Variants in WDR72 observed in about 807,000 individuals in gnomAD.
WDR72 encodes WD repeat domain 72.
WDR72 carries 120 observed loss-of-function variants against 124.2 expected under a neutral mutation model. The ratio of observed to expected loss-of-function variants is 0.97; its 90% CI spans 0.83 to 1.12. The LOEUF is 1.12. Among genes scored for constraint, WDR72 ranks in the 50% most tolerant of loss-of-function variants. WDR72 has a pLI of 0.00. For missense variants in WDR72, 1,387 were observed against 1,278.8 expected (o/e 1.08, Z -1.29); for synonymous variants, 452 against 441.7 (o/e 1.02, Z -0.29).
At chr15:53,720,294 G>C (rs556464155) in intron 3 of WDR72, among the ~76,000 whole-genome samples, 1 of 152,128 alleles carries the variant, frequency 6.6e-6, no homozygotes, top group Non-Finnish European at 1.5e-5. Context: ...ACACCAGAAT[G>C]TGTGGGATCT....
chr15:53,758,771 G>GT (rs2018981770), intron 1 of WDR72, among the ~76,000 whole-genome samples: 1 of 55,848 alleles, frequency 1.8e-5, no homozygotes, highest in Non-Finnish European at 3.9e-5. Flanking sequence ...AAAACTGCGG[G>GT]GGGGGGGGGG....
At chr15:53,644,576 GAT>G (rs1406446381) in intron 14 of WDR72, among the ~76,000 whole-genome samples, 3 of 152,036 alleles carry the variant, frequency 2.0e-5, no homozygotes, top group South Asian at 2.1e-4. Flanking sequence ...ATCTTGCAAA[GAT>G]ATGAAAAATC....
At chr15:53,751,577 C>T (rs960751553) in intron 1 of WDR72, among the ~76,000 whole-genome samples, 1 of 152,162 alleles carries the variant, frequency 6.6e-6, no homozygotes, top group African/African-American at 2.4e-5. Flanking sequence ...GCAATATTCA[C>T]TTTATTAGAG....
Position 53,631,169 on chromosome 15 carries a change from C to T in WDR72, c.1963-14926G>A, listed in dbSNP as rs148539734. Among the ~76,000 whole-genome samples, 1,468 of 152,212 alleles carry T rather than the reference C, an allele frequency of 9.6e-3. 33 individuals are homozygous for T. Among genetic ancestry groups the T allele is most frequent in the African/African-American group, 0.034 (1,417 of 41,514 alleles). On this transcript the variant is annotated intron_variant, in intron 14 of 19. Transcript: ENST00000360509. The stretch of plus-strand genomic sequence containing the variant: ...GTTTCTAATAGTTTAGCACCATCCC[C>T]CTCTCCTTGGTACTACATAGTGATT...
chr15:53,557,868 G>C (rs1045696813), intron 18 of WDR72, among the ~76,000 whole-genome samples: 2 of 152,014 alleles, frequency 1.3e-5, no homozygotes, highest in Non-Finnish European at 2.9e-5. Flanking sequence ...AAAGCTCAAA[G>C]TGGCTAGCCA....
chr15:53,704,224 G>T (rs1334870256), intron 11 of WDR72, among the ~76,000 whole-genome samples: 1 of 152,152 alleles, frequency 6.6e-6, no homozygotes, highest in African/African-American at 2.4e-5. Context: ...GGCAATTAAA[G>T]TTCAATTATT....
chr15:53,656,720 T>A (rs1395200006), intron 14 of WDR72, among the ~76,000 whole-genome samples: 1 of 152,152 alleles, frequency 6.6e-6, no homozygotes, highest in Non-Finnish European at 1.5e-5. Flanking sequence ...AACATCATTT[T>A]TTTCCAGAAA....
At chr15:53,620,658 C>G (rs2013955660) in intron 14 of WDR72, among the ~76,000 whole-genome samples, 1 of 152,034 alleles carries the variant, frequency 6.6e-6, no homozygotes, top group African/African-American at 2.4e-5. Flanking sequence ...CATGATGGAT[C>G]AAGGACTTCA....
chr15:53,537,053 G>A (rs1892801746), intron 18 of WDR72, among the ~76,000 whole-genome samples: 1 of 152,102 alleles, frequency 6.6e-6, no homozygotes, highest in South Asian at 2.1e-4. Flanking sequence ...TGTAATTGCG[G>A]GTTACACAGC....
rs1566936324 is a variant in WDR72 at position 53,516,996 on chromosome 15, T to A, written c.*703A>T. On this transcript the variant is annotated 3_prime_UTR_variant, in exon 20 of 20. Coordinates refer to ENST00000360509, the MANE Select transcript of WDR72 (RefSeq NM_182758.4). ...TGTAAGTTGATTCCCCTTCCCTAGT[T>A]CACATCTATATGGCCAACAAGATCA... 6.6e-6 allele frequency: 1 copy of A among 152,080 alleles called. No homozygotes were observed. Among genetic ancestry groups the A allele is most frequent in the South Asian group, 2.1e-4 (1 of 4,824 alleles). The allele number at this position is 152,080 out of a possible 1,614,324, so 9.4% of individuals were successfully genotyped here.
rs560525261 is a variant in WDR72 at position 53,615,857 on chromosome 15, T to G, written c.2349A>C (p.Ser783=). 1 of 1,613,682 alleles carries G rather than the reference T, an allele frequency of 6.2e-7. No individual in the cohort carries two copies. The highest frequency in any genetic ancestry group is 1.7e-5 in the Admixed American group (1 of 59,946). ...KISKKMQPKP[S]RKVDASLTID... ...TTGTGAGACTGGCATCTACTTTTCTTGATGGCTTAGGCTGCATTTTTTTGG... is the reference window on the plus strand; with the variant it reads ...TTGTGAGACTGGCATCTACTTTTCTGGATGGCTTAGGCTGCATTTTTTTGG... The change falls in exon 15 of 20, where the codon TCA becomes TCC. Residue 783 remains serine, a synonymous_variant. Coordinates refer to ENST00000360509, the MANE Select transcript of WDR72 (RefSeq NM_182758.4).
At chr15:53,673,302 A>C (rs575783065) in intron 13 of WDR72, among the ~76,000 whole-genome samples, 5 of 152,340 alleles carry the variant, frequency 3.3e-5, no homozygotes, top group Non-Finnish European at 7.4e-5. Flanking sequence ...AATAGCTATT[A>C]TGCTCAAAGG....
At position 53,597,199 on chromosome 15, in the gene WDR72, T is replaced by G. The variant is rs1229505316; in HGVS notation, c.3028A>C (p.Asn1010His). The change falls in exon 18 of 20, where the codon AAT (asparagine) becomes CAT (histidine). Residue 1010 changes from asparagine to histidine, a missense_variant. Asn to His is a moderately conservative substitution (Grantham distance 68). Coordinates refer to ENST00000360509, the MANE Select transcript of WDR72 (RefSeq NM_182758.4). ...TCTGCCATGGACACTGGTTGACTAT[T>G]GACGGGTATCTTTCCCAAACTCTTC... ...HMKSLGKIPV[N>H]SQPVSMAENG... The G allele has an allele frequency of 1.2e-6, 2 of 1,613,822 alleles. No individual in the cohort carries two copies. The highest frequency in any genetic ancestry group is 2.7e-5 in the African/African-American group (2 of 74,922).
At chr15:53,732,927 C>A in intron 2 of WDR72, 70 bp downstream of exon 2, 1 of 1,575,740 alleles carries the variant, frequency 6.3e-7, no homozygotes, top group South Asian at 1.1e-5. Flanking sequence ...ACTGTCATTG[C>A]AGATAGAAAA....
chr15:53,709,521 G>A (rs1451226173), intron 9 of WDR72, among the ~76,000 whole-genome samples: 1 of 152,084 alleles, frequency 6.6e-6, no homozygotes, highest in East Asian at 1.9e-4. Context: ...GCCCCTAAAG[G>A]GCACAACTGA....
chr15:53,536,785 A>G (rs1428828652), intron 18 of WDR72, among the ~76,000 whole-genome samples: 2 of 152,182 alleles, frequency 1.3e-5, no homozygotes, highest in Non-Finnish European at 2.9e-5. Context: ...GACATAGCAC[A>G]TTTAGTACTT....
intron 18 of WDR72, among the ~76,000 whole-genome samples, chr15:53,570,584 A>G (rs888095114): frequency 2.0e-5 from 3 of 152,084 alleles, no homozygotes; most frequent in African/African-American, 7.2e-5. Context: ...TCAAAAAATA[A>G]CAGATGTTGC....
intron 18 of WDR72, among the ~76,000 whole-genome samples, chr15:53,539,073 C>T (rs1449054057): frequency 1.3e-5 from 2 of 151,642 alleles, no homozygotes; most frequent in Non-Finnish European, 2.9e-5. Context: ...AACACTTTAC[C>T]CCAGAAAATA....
At chr15:53,559,166 T>A (rs1223135235) in intron 18 of WDR72, among the ~76,000 whole-genome samples, 3 of 138,380 alleles carry the variant, frequency 2.2e-5, no homozygotes, top group Non-Finnish European at 4.7e-5. Flanking sequence ...GCATTTCTTT[T>A]TTTTTTCATT....
Sources: allele counts gnomAD v4.1 joint callset (sites outside exome capture counted in the v4.1 genomes callset), GRCh38; gene constraint gnomAD v4.1.1; transcripts MANE v1.5; gene names NCBI Gene and HGNC (gene_info 2026-07-23, HGNC 2026-07-21).